The following EPHA6 variants were observed in gnomAD, a reference collection of about 807,000 sequenced individuals.
EPHA6 encodes ephrin type-A receptor 6.
Under a neutral mutation model 112.0 loss-of-function variants are expected in EPHA6, and 50 were observed. The observed-to-expected ratio is 0.45, with a 90% CI of 0.36 to 0.56. The LOEUF (loss-of-function observed/expected upper bound fraction) is 0.56, where lower values mean the gene tolerates loss of function less well. Ranked by LOEUF, EPHA6 falls within the 20% of genes least tolerant of loss-of-function variation. The pLI is 0.00. For synonymous variants in EPHA6, 529 were observed against 490.7 expected (o/e 1.08, Z -1.03); for missense variants, 1,280 against 1,417.4 (o/e 0.90, Z 1.56).
chr3:96,920,176 G>T (rs571262001), intron 2 of EPHA6, among the ~76,000 whole-genome samples: 3 of 151,966 alleles, frequency 2.0e-5, no homozygotes, highest in African/African-American at 7.2e-5. Flanking sequence ...CTTTAGTGAA[G>T]CTATTTTGTG....
chr3:97,366,173 A>T (rs1237261820), intron 5 of EPHA6, among the ~76,000 whole-genome samples: 1 of 152,194 alleles, frequency 6.6e-6, no homozygotes, highest in Non-Finnish European at 1.5e-5. Flanking sequence ...ACACATTGTG[A>T]TTTATTGATC....
At chr3:97,122,208 T>G (rs1195226024) in intron 3 of EPHA6, among the ~76,000 whole-genome samples, 2 of 152,034 alleles carry the variant, frequency 1.3e-5, no homozygotes, top group Non-Finnish European at 2.9e-5. Flanking sequence ...AATTGGAAAC[T>G]TCAGTTTGGT....
chr3:97,495,360 A>G (rs1425228782), intron 10 of EPHA6, among the ~76,000 whole-genome samples: 1 of 151,434 alleles, frequency 6.6e-6, no homozygotes, highest in Non-Finnish European at 1.5e-5. Context: ...TGTAATACCT[A>G]TATAAATTTG....
intron 12 of EPHA6, among the ~76,000 whole-genome samples, chr3:97,600,478 G>A (rs187580374): frequency 6.6e-6 from 1 of 151,552 alleles, no homozygotes; most frequent in African/African-American, 2.4e-5. Flanking sequence ...TAGCATGAAG[G>A]GTTGTTGAAT....
intron 3 of EPHA6, among the ~76,000 whole-genome samples, chr3:97,167,548 G>C (rs2076571714): frequency 6.6e-6 from 1 of 151,940 alleles, no homozygotes; most frequent in Non-Finnish European, 1.5e-5. Flanking sequence ...TTAGAGAATT[G>C]ACTTAGACAT....
intron 3 of EPHA6, among the ~76,000 whole-genome samples, chr3:97,190,526 C>A (rs1393394076): frequency 7.9e-5 from 12 of 152,082 alleles, no homozygotes; most frequent in Admixed American, 6.6e-4. Flanking sequence ...CCTTTATGTG[C>A]TGCCTTAGTA....
chr3:96,952,422 A>C (rs1576152638), intron 2 of EPHA6, among the ~76,000 whole-genome samples: 1 of 152,100 alleles, frequency 6.6e-6, no homozygotes, highest in Non-Finnish European at 1.5e-5. Flanking sequence ...GGGCTAGGTT[A>C]GTTCTTGTGG....
At chr3:97,106,350 T>C (rs560640969) in intron 3 of EPHA6, among the ~76,000 whole-genome samples, 3 of 152,090 alleles carry the variant, frequency 2.0e-5, no homozygotes, top group South Asian at 4.2e-4. Flanking sequence ...CCTCAGAATT[T>C]CCCCCAATCT....
At chr3:97,380,977 T>A (rs886345756) in intron 5 of EPHA6, among the ~76,000 whole-genome samples, 3 of 152,108 alleles carry the variant, frequency 2.0e-5, no homozygotes, top group African/African-American at 7.2e-5. Context: ...ATGCTTTTTC[T>A]CTTAAATCTA....
At chr3:97,121,095 C>A (rs546566040) in intron 3 of EPHA6, among the ~76,000 whole-genome samples, 1 of 151,966 alleles carries the variant, frequency 6.6e-6, no homozygotes, top group Admixed American at 6.6e-5. Flanking sequence ...GAAGATATAC[C>A]AATTTCTCTC....
chr3:97,238,515 G>A (rs965764781), intron 4 of EPHA6, among the ~76,000 whole-genome samples: 2 of 151,914 alleles, frequency 1.3e-5, no homozygotes, highest in African/African-American at 4.8e-5. Flanking sequence ...TTACTTCAGT[G>A]TAATATGTGC....
intron 13 of EPHA6, among the ~76,000 whole-genome samples, chr3:97,631,664 T>G (rs1046165656): frequency 1.3e-5 from 2 of 152,064 alleles, no homozygotes; most frequent in Non-Finnish European, 2.9e-5. Context: ...AATTTGTTTA[T>G]TGTAGGTACC....
At chr3:97,210,118 A>G (rs1466995144) in intron 3 of EPHA6, among the ~76,000 whole-genome samples, 2 of 152,172 alleles carry the variant, frequency 1.3e-5, no homozygotes, top group Non-Finnish European at 2.9e-5. Flanking sequence ...CTGTTTTGTT[A>G]TAGTATTTAT....
intron 3 of EPHA6, among the ~76,000 whole-genome samples, chr3:97,176,006 T>G (rs2076826090): frequency 1.3e-5 from 2 of 151,890 alleles, no homozygotes; most frequent in South Asian, 4.1e-4. Context: ...GGATTTCACT[T>G]TCTGCCCATT....
intron 3 of EPHA6, among the ~76,000 whole-genome samples, chr3:97,210,865 G>T (rs2077853330): frequency 1.3e-5 from 2 of 152,156 alleles, no homozygotes; most frequent in South Asian, 2.1e-4. Flanking sequence ...GGGGACTGGA[G>T]GATCTACATT....
At position 96,987,692 on chromosome 3, in the gene EPHA6, G is replaced by A. The variant is rs975884896; in HGVS notation, c.813G>A (p.Gly271=). Residue 271 remains glycine, a synonymous_variant, in exon 3 of 18, where the codon GGG becomes GGA. Transcript: ENST00000389672. ...TCAACACTGAAATTCGTGAGGTGGG[G>A]CCTATAGAAAGGAAAGGATTTTATC... The part of the protein sequence containing the change: ...LKLNTEIREV[G]PIERKGFYLA... The A allele has an allele frequency of 1.2e-6, 2 of 1,608,000 alleles. No individual in the cohort carries two copies. Among genetic ancestry groups the A allele is most frequent in the African/African-American group, 1.3e-5 (1 of 74,746 alleles).
At chr3:97,475,268 T>G (rs1325721553) in intron 7 of EPHA6, 84 bp from the exon 8 acceptor site, 2 of 987,308 alleles carry the variant, frequency 2.0e-6, no homozygotes, top group Non-Finnish European at 3.0e-6. Context: ...CGTTATTGTA[T>G]TTTCTAGTGT....
chr3:97,749,481 C>T lies in EPHA6; in HGVS notation c.*780C>T, dbSNP rs187412504. Among the ~76,000 whole-genome samples the T allele has an allele frequency of 5.5e-3, 831 of 152,080 alleles. 7 individuals carry two copies. Among genetic ancestry groups the T allele is most frequent in the Non-Finnish European group, 5.7e-3 (391 of 68,004 alleles). On this transcript the variant is annotated 3_prime_UTR_variant, in exon 18 of 18. Transcript: ENST00000389672. ...TTACTAACCGTAGTATATTTCTCTA[C>T]TACCTTATGAAGACCGCTCCTGGAA...
intron 3 of EPHA6, among the ~76,000 whole-genome samples, chr3:97,060,553 A>T (rs995556522): frequency 2.6e-5 from 4 of 152,158 alleles, no homozygotes; most frequent in African/African-American, 9.7e-5. Flanking sequence ...TTTGTTTACA[A>T]ATTTCCTTGT....
Sources: gnomAD v4.1 joint callset for allele counts (sites outside exome capture counted in the v4.1 genomes callset) on GRCh38, gnomAD v4.1.1 for gene constraint, MANE v1.5 for transcripts, NCBI Gene and HGNC (gene_info 2026-07-23, HGNC 2026-07-21) for gene names.